Variants in PCBP3 observed in about 807,000 individuals in gnomAD.
PCBP3 encodes the protein poly(rC) binding protein 3.
PCBP3 carries 25 observed loss-of-function variants against 52.7 expected under a neutral mutation model. The ratio of observed to expected loss-of-function variants is 0.47; its 90% CI spans 0.35 to 0.66. The LOEUF (loss-of-function observed/expected upper bound fraction) is 0.66, where lower values mean the gene tolerates loss of function less well. PCBP3 is among the 30% of genes least tolerant of loss of function. The probability of loss-of-function intolerance (pLI) is 0.01; values close to 1 mark genes in which losing one functional copy is unlikely to be tolerated. For missense variants in PCBP3, 391 were observed against 490.3 expected, an observed-to-expected ratio of 0.80 and a Z score of 1.91; for synonymous variants, 162 against 183.0, an observed-to-expected ratio of 0.89 and a Z score of 0.93.
intron 4 of PCBP3, among the ~76,000 whole-genome samples, chr21:45,787,293 G>A (rs1419989197): frequency 6.6e-6 from 1 of 152,166 alleles, no homozygotes; most frequent in Non-Finnish European, 1.5e-5. Flanking sequence ...TGCCCAGGCT[G>A]GAGTGCAATG....
At chr21:45,753,820 C>T (rs2146391732) in intron 3 of PCBP3, among the ~76,000 whole-genome samples, 1 of 152,250 alleles carries the variant, frequency 6.6e-6, no homozygotes, top group Non-Finnish European at 1.5e-5. Context: ...TGATTATTCT[C>T]TCCTGACTTG....
At chr21:45,882,372 G>C (rs2095424250) in intron 5 of PCBP3, among the ~76,000 whole-genome samples, 1 of 152,040 alleles carries the variant, frequency 6.6e-6, no homozygotes, top group Non-Finnish European at 1.5e-5. Flanking sequence ...TTTAAAATCT[G>C]GTATTTGTTT....
At chr21:45,900,547 G>T in intron 7 of PCBP3, 44 bp from the exon 8 acceptor site, 1 of 1,555,788 alleles carries the variant, frequency 6.4e-7, no homozygotes, top group African/African-American at 1.4e-5. Context: ...CGTCCTCAGA[G>T]CCAGAGGGAT....
intron 5 of PCBP3, among the ~76,000 whole-genome samples, chr21:45,861,132 G>A (rs1409602793): frequency 6.6e-6 from 1 of 152,170 alleles, no homozygotes; most frequent in Non-Finnish European, 1.5e-5. Flanking sequence ...CTGTGGCTTG[G>A]TGTGCAGCCG....
chr21:45,765,864 G>T (rs950394174), intron 4 of PCBP3, among the ~76,000 whole-genome samples: 2 of 152,220 alleles, frequency 1.3e-5, no homozygotes, highest in African/African-American at 4.8e-5. Flanking sequence ...CCTGAGAACG[G>T]GGAAGGCTCA....
chr21:45,854,831 TG>T (rs2094205365), intron 5 of PCBP3, among the ~76,000 whole-genome samples: 1 of 152,340 alleles, frequency 6.6e-6, no homozygotes, highest in Non-Finnish European at 1.5e-5. Context: ...GTGTGGGCTC[TG>T]GGTGGGTGGA....
rs531209617 is a variant in PCBP3, at chr21:45,736,630, G to A, written c.-162+1201G>A. On this transcript the variant is annotated intron_variant, in intron 3 of 17. Transcript: ENST00000681687. This position sits in a 1 kb window ranked among gnomAD's most constrained non-coding sequence, Gnocchi z 4.6. ...TCGGAGAGATGGCATGGAGGGGTTGGGGCCTGTGCTCCTAGGTGCTTAGGC... is the reference window on the plus strand; with the variant it reads ...TCGGAGAGATGGCATGGAGGGGTTGAGGCCTGTGCTCCTAGGTGCTTAGGC... Among the ~76,000 whole-genome samples the A allele has an allele frequency of 2.6e-4, 39 of 152,250 alleles. No homozygotes were observed. The highest frequency in any genetic ancestry group is 1.2e-3 in the South Asian group (6 of 4,824).
chr21:45,795,315 C>CT (rs34237544), intron 4 of PCBP3, among the ~76,000 whole-genome samples: 66,614 of 145,340 alleles, frequency 0.46, 15,517 homozygotes, highest in African/African-American at 0.52. Context: ...TCTTCTTTTT[C>CT]TTTTTTTTTT....
At chr21:45,725,769 C>G (rs985896689) in intron 2 of PCBP3, among the ~76,000 whole-genome samples, 4 of 151,432 alleles carry the variant, frequency 2.6e-5, no homozygotes, top group African/African-American at 7.3e-5. Context: ...CAAGGGAGGA[C>G]TTTCGGAGGA....
At chr21:45,755,806 G>A (rs113472427) in intron 4 of PCBP3, among the ~76,000 whole-genome samples, 1 of 151,692 alleles carries the variant, frequency 6.6e-6, no homozygotes, top group African/African-American at 2.4e-5. Context: ...GATTTGTGAG[G>A]GTTTGTTATA....
At chr21:45,930,519 G>A (rs142524186) in intron 14 of PCBP3, among the ~76,000 whole-genome samples, 6 of 152,310 alleles carry the variant, frequency 3.9e-5, no homozygotes, top group Non-Finnish European at 7.4e-5. Context: ...GGCCATCCGT[G>A]GCAAGCCCAC....
intron 5 of PCBP3, chr21:45,872,830 G>A (rs1252811979): frequency 2.6e-5 from 4 of 152,214 alleles, no homozygotes; most frequent in African/African-American, 9.6e-5. Flanking sequence ...TATCAATTAT[G>A]TTGACAGAAT....
At chr21:45,838,021 ACCTAAACTATGGT>A (rs1258430561) in intron 4 of PCBP3, among the ~76,000 whole-genome samples, 2 of 152,206 alleles carry the variant, frequency 1.3e-5, no homozygotes, top group African/African-American at 2.4e-5. Context: ...CTGTTTGGTT[ACCTAAACTATGGT>A]TCATGCCAGA....
intron 5 of PCBP3, among the ~76,000 whole-genome samples, chr21:45,868,408 G>GTTT (rs1422339005): frequency 1.0e-5 from 1 of 96,786 alleles, no homozygotes; most frequent in African/African-American, 4.1e-5. Flanking sequence ...TGACTTATTT[G>GTTT]TTCTTTTTTT....
At chr21:45,703,984 T>C (rs893203249) in intron 2 of PCBP3, among the ~76,000 whole-genome samples, 11 of 151,964 alleles carry the variant, frequency 7.2e-5, no homozygotes, top group Non-Finnish European at 1.5e-4. Context: ...GACCAGGACA[T>C]GGAGATGGAG....
At chr21:45,669,845 A>C (rs1317016662) in intron 2 of PCBP3, among the ~76,000 whole-genome samples, 4 of 123,272 alleles carry the variant, frequency 3.2e-5, no homozygotes, top group African/African-American at 6.1e-5. Context: ...ATATATATAT[A>C]TCACATTTTG....
chr21:45,786,133 A>AAAATAAAT (rs144726993), intron 4 of PCBP3, among the ~76,000 whole-genome samples: 37 of 147,898 alleles, frequency 2.5e-4, no homozygotes, highest in South Asian at 8.6e-4. Context: ...GATCAATAAA[A>AAAATAAAT]AAATAAATAA....
At chr21:45,652,741 C>T (rs1189841362) in intron 1 of PCBP3, among the ~76,000 whole-genome samples, 1 of 152,140 alleles carries the variant, frequency 6.6e-6, no homozygotes, top group African/African-American at 2.4e-5. Context: ...CCACGCCCGC[C>T]CTGATGACTA....
chr21:45,851,843 T>G (rs986625085), intron 5 of PCBP3, among the ~76,000 whole-genome samples: 6 of 152,338 alleles, frequency 3.9e-5, no homozygotes, highest in Admixed American at 3.3e-4. Context: ...AGACTTCCAT[T>G]CAAAAAAAGT....
Sources: gnomAD v4.1 joint callset for allele counts (sites outside exome capture counted in the v4.1 genomes callset) on GRCh38, gnomAD v4.1.1 for gene constraint, Gnocchi (gnomAD v3.1) non-coding constraint, MANE v1.5 for transcripts, NCBI Gene and HGNC (gene_info 2026-07-23, HGNC 2026-07-21) for gene names.